Variants in LAPTM4A observed in about 807,000 individuals in gnomAD.
LAPTM4A encodes the protein lysosomal protein transmembrane 4 alpha.
Under a neutral mutation model 29.9 loss-of-function variants are expected in LAPTM4A, and 19 were observed. That is an observed-to-expected ratio of 0.64 (90% CI 0.44 to 0.93). The LOEUF is 0.93. Ranked by LOEUF, LAPTM4A falls within the 40% of genes least tolerant of loss-of-function variation. The pLI is 0.00. For synonymous variants in LAPTM4A, 105 were observed against 102.1 expected, an observed-to-expected ratio of 1.03 and a Z score of -0.17; for missense variants, 293 against 288.5, an observed-to-expected ratio of 1.02 and a Z score of -0.11.
At chr2:20,046,359 A>C (rs971325794) in intron 1 of LAPTM4A, among the ~76,000 whole-genome samples, 1 of 152,148 alleles carries the variant, frequency 6.6e-6, no homozygotes, top group African/African-American at 2.4e-5. Flanking sequence ...TTAAAAAAAA[A>C]AAGTTTTTTG....
At chr2:20,039,291 T>C (rs1326210424) in intron 2 of LAPTM4A, among the ~76,000 whole-genome samples, 2 of 152,198 alleles carry the variant, frequency 1.3e-5, no homozygotes, top group African/African-American at 2.4e-5. Context: ...TCCTCTTTAC[T>C]TTTTTCTTAG....
intron 4 of LAPTM4A, among the ~76,000 whole-genome samples, chr2:20,036,934 A>C (rs1673690705): frequency 6.6e-6 from 1 of 152,224 alleles, no homozygotes; most frequent in South Asian, 2.1e-4. Context: ...GTGCCTAGCA[A>C]AGGGCTAAAA....
At position 20,045,557 on chromosome 2, in the gene LAPTM4A, C is replaced by A. The variant is rs137955817; in HGVS notation, c.112-4546G>T. Reference sequence around the variant, plus strand: ...AGCAATATTTTAGCAGCATGGGCTGCGGATTCACCACTCAATGTGTTAACA... The same window carrying A: ...AGCAATATTTTAGCAGCATGGGCTGAGGATTCACCACTCAATGTGTTAACA... On this transcript the variant is annotated intron_variant, in intron 1 of 6. Coordinates refer to ENST00000175091, the MANE Select transcript of LAPTM4A (RefSeq NM_014713.5). 1.9e-4 allele frequency among the ~76,000 whole-genome samples: 29 copies of A among 152,124 alleles called. No homozygotes were observed. The East Asian group carries it at 5.0e-3, about 26-fold the overall frequency.
chr2:20,046,213 G>C (rs542939292), intron 1 of LAPTM4A, among the ~76,000 whole-genome samples: 3 of 152,226 alleles, frequency 2.0e-5, no homozygotes, highest in African/African-American at 7.2e-5. Context: ...GTGGCGGGCT[G>C]GGGGAGGGAT....
At chr2:20,038,202 C>G (rs992159610) in intron 2 of LAPTM4A, among the ~76,000 whole-genome samples, 2 of 152,172 alleles carry the variant, frequency 1.3e-5, no homozygotes, top group Admixed American at 6.5e-5. Context: ...CCCAACCTCC[C>G]AAACACCAAA....
chr2:20,037,508 C>T, intron 3 of LAPTM4A, 30 bp downstream of exon 3: 2 of 1,601,794 alleles, frequency 1.2e-6, no homozygotes, highest in Non-Finnish European at 1.7e-6. Flanking sequence ...TAAGGTCAAA[C>T]TCTAAAAGAT....
chr2:20,034,516 G>A, intron 5 of LAPTM4A, 101 bp from the exon 6 acceptor site: 1 of 804,938 alleles, frequency 1.2e-6, no homozygotes, highest in Non-Finnish European at 2.2e-6. Flanking sequence ...CATCCTCTGT[G>A]TAGAAGGGAG....
chr2:20,050,634 C>A (rs1674033971), intron 1 of LAPTM4A, among the ~76,000 whole-genome samples: 1 of 152,106 alleles, frequency 6.6e-6, no homozygotes, highest in Non-Finnish European at 1.5e-5. Flanking sequence ...TAGTGAATCA[C>A]CAGGCAACAA....
At chr2:20,035,166 GAT>G (rs567802420) in intron 4 of LAPTM4A, 104 bp from the exon 5 acceptor site, 35 of 743,070 alleles carry the variant, frequency 4.7e-5, no homozygotes, top group Non-Finnish European at 6.5e-5. Context: ...AGTCAAAAGT[GAT>G]ATTTAATAAA....
chr2:20,033,726 T>C (rs190019831), intron 6 of LAPTM4A, among the ~76,000 whole-genome samples: 90 of 152,330 alleles, frequency 5.9e-4, no homozygotes, highest in Admixed American at 2.0e-4. Context: ...ACTTATATCA[T>C]GTCTTCGAGG....
Position 20,051,425 on chromosome 2 carries a change from C to A in LAPTM4A, c.96G>T (p.Leu32=), listed in dbSNP as rs1392457940. ...CCHVRTGTII[L]GTWYMVVNLL... ...CCCGCCTTACCATGTACCAGGTCCC[C>A]AGGATGATCGTCCCGGTGCGGACAT... is the stretch of plus-strand genomic sequence containing the variant. Residue 32 remains leucine, a synonymous_variant, in exon 1 of 7, where the codon CTG becomes CTT. Coordinates refer to ENST00000175091, the MANE Select transcript of LAPTM4A (RefSeq NM_014713.5). 1 of 1,612,432 alleles carries A rather than the reference C, an allele frequency of 6.2e-7. No homozygotes were observed. The highest frequency in any genetic ancestry group is 2.2e-5 in the East Asian group (1 of 44,826).
At chr2:20,033,337 A>C (rs1263803542) in intron 6 of LAPTM4A, 58 bp from the exon 7 acceptor site, 2 of 1,361,488 alleles carry the variant, frequency 1.5e-6, no homozygotes, top group Non-Finnish European at 2.1e-6. Flanking sequence ...CCTTTGTGAG[A>C]TAATTCAGCT....
intron 2 of LAPTM4A, among the ~76,000 whole-genome samples, chr2:20,038,351 A>T (rs1673724764): frequency 6.6e-6 from 1 of 152,166 alleles, no homozygotes; most frequent in Non-Finnish European, 1.5e-5. Context: ...AAGTAATCTC[A>T]AGCAATTCTA....
chr2:20,046,867 C>T (rs1673936240), intron 1 of LAPTM4A, among the ~76,000 whole-genome samples: 1 of 147,428 alleles, frequency 6.8e-6, no homozygotes, highest in Non-Finnish European at 1.5e-5. Flanking sequence ...CCTGGGCAAT[C>T]CACCTGCCTT....
intron 1 of LAPTM4A, among the ~76,000 whole-genome samples, chr2:20,048,398 G>A (rs3769760): frequency 1.3e-5 from 2 of 152,076 alleles, no homozygotes; most frequent in African/African-American, 2.4e-5. Flanking sequence ...GCTAAAATAC[G>A]AAAGGCTCAC....
intron 1 of LAPTM4A, among the ~76,000 whole-genome samples, chr2:20,047,293 CAG>C (rs1466637063): frequency 6.7e-6 from 1 of 149,920 alleles, no homozygotes; most frequent in Non-Finnish European, 1.5e-5. Context: ...GAGGCTGGGG[CAG>C]AGGAATCGCT....
At chr2:20,047,890 C>T (rs1293654307) in intron 1 of LAPTM4A, among the ~76,000 whole-genome samples, 1 of 152,022 alleles carries the variant, frequency 6.6e-6, no homozygotes. Context: ...GGGAGGACAG[C>T]AACATTTCAG....
In LAPTM4A at chr2:20,043,613, A is replaced by C. The variant is rs148040636; in HGVS notation, c.112-2602T>G. ...AAATGCATTTTCCTTTTATCAGCTG[A>C]AGTCATTTCACTAACATCCGCTAGA... On this transcript the variant is annotated intron_variant, in intron 1 of 6. Coordinates refer to ENST00000175091, the MANE Select transcript of LAPTM4A (RefSeq NM_014713.5). Among the ~76,000 whole-genome samples, 631 of 152,360 alleles carry C rather than the reference A, an allele frequency of 4.1e-3. 3 individuals are homozygous for C. Among genetic ancestry groups the C allele is most frequent in the South Asian group, 0.016 (77 of 4,832 alleles).
intron 1 of LAPTM4A, among the ~76,000 whole-genome samples, chr2:20,046,568 A>C (rs1572400393): frequency 6.6e-6 from 1 of 150,938 alleles, no homozygotes; most frequent in African/African-American, 2.4e-5. Context: ...GCTCACTGCA[A>C]CCTCTGCCTC....
Sources: gnomAD v4.1 joint callset for allele counts (sites outside exome capture counted in the v4.1 genomes callset) on GRCh38, gnomAD v4.1.1 for gene constraint, MANE v1.5 for transcripts, NCBI Gene and HGNC (gene_info 2026-07-23, HGNC 2026-07-21) for gene names.